Variants in ANKRD36C observed in about 807,000 individuals in gnomAD.
ANKRD36C encodes ankyrin repeat domain 36C.
ANKRD36C carries 61 observed loss-of-function variants against 276.4 expected under a neutral mutation model. The ratio of observed to expected loss-of-function variants is 0.22; its 90% CI spans 0.18 to 0.27. The LOEUF (loss-of-function observed/expected upper bound fraction) is 0.27. Ranked by LOEUF, ANKRD36C falls within the 10% of genes least tolerant of loss-of-function variation. ANKRD36C has a pLI of 1.00. For synonymous variants in ANKRD36C, 483 were observed against 680.1 expected (o/e 0.71, Z 4.51); for missense variants, 1,447 against 2,032.3 (o/e 0.71, Z 5.54).
At chr2:95,961,996 C>T (rs566462568) in intron 8 of ANKRD36C, among the ~76,000 whole-genome samples, 59 of 151,894 alleles carry the variant, frequency 3.9e-4, no homozygotes, top group Non-Finnish European at 7.8e-4. Context: ...GTGGTTTTAA[C>T]AATCTGATCT....
intron 56 of ANKRD36C, 42 bp downstream of exon 76, chr2:95,882,260 A>C: frequency 1.3e-6 from 2 of 1,547,116 alleles, no homozygotes; most frequent in East Asian, 4.9e-5. Flanking sequence ...ATTGTCTTCT[A>C]TCTTGAGTGC....
At chr2:95,862,902 T>C (rs1422330576) in intron 60 of ANKRD36C, among the ~76,000 whole-genome samples, 12 of 151,784 alleles carry the variant, frequency 7.9e-5, no homozygotes, top group Admixed American at 7.9e-4. Flanking sequence ...TAGGACGTGT[T>C]CCCTAATCAT....
At chr2:95,977,598 C>T (rs1678839191) in intron 6 of ANKRD36C, among the ~76,000 whole-genome samples, 2 of 152,000 alleles carry the variant, frequency 1.3e-5, no homozygotes, top group African/African-American at 2.4e-5. Flanking sequence ...TCAACTACTG[C>T]AAAAGCTTCC....
chr2:95,864,194 T>C (rs1476588058), intron 60 of ANKRD36C, among the ~76,000 whole-genome samples: 1 of 152,114 alleles, frequency 6.6e-6, no homozygotes, highest in Non-Finnish European at 1.5e-5. Flanking sequence ...TATCCGACAG[T>C]ATAATGAAAA....
intron 40 of ANKRD36C, among the ~76,000 whole-genome samples, chr2:95,913,753 A>G (rs897938068): frequency 1.3e-5 from 2 of 151,380 alleles, no homozygotes; most frequent in African/African-American, 2.4e-5. Context: ...TCTTGGCAGT[A>G]TGATCTGAAG....
intron 34 of ANKRD36C, among the ~76,000 whole-genome samples, chr2:95,918,267 C>T (rs1226621872): frequency 2.0e-5 from 3 of 151,564 alleles, no homozygotes; most frequent in African/African-American, 4.8e-5. Flanking sequence ...CGGTATGATT[C>T]GTCATACGTC....
intron 30 of ANKRD36C, 57 bp downstream of exon 30, chr2:95,925,295 G>A (rs1219759312): frequency 3.9e-6 from 6 of 1,545,762 alleles, no homozygotes; most frequent in Non-Finnish European, 5.2e-6. Context: ...ATTCAGGGGT[G>A]GGACGTTCTC....
chr2:95,922,040 T>C (rs1037400952), intron 32 of ANKRD36C, among the ~76,000 whole-genome samples: 6 of 151,580 alleles, frequency 4.0e-5, no homozygotes, highest in South Asian at 2.1e-4. Context: ...TTCTCGTATA[T>C]CTAAAAGAAA....
At chr2:95,971,239 T>C (rs1435694126) in intron 6 of ANKRD36C, among the ~76,000 whole-genome samples, 4 of 151,030 alleles carry the variant, frequency 2.6e-5, no homozygotes, top group Non-Finnish European at 5.9e-5. Flanking sequence ...AGTGAAAGTA[T>C]TCTAATGGCG....
chr2:95,990,886 T>A (rs553959191), intron 1 of ANKRD36C, among the ~76,000 whole-genome samples: 1 of 152,208 alleles, frequency 6.6e-6, no homozygotes, highest in African/African-American at 2.4e-5. Context: ...TTAAAACGTG[T>A]ACATTAAAAA....
At chr2:95,921,464 C>G (rs1677264873) in intron 34 of ANKRD36C, 143 bp downstream of exon 34, 1 of 1,222,986 alleles carries the variant, frequency 8.2e-7, no homozygotes, top group Non-Finnish European at 1.1e-6. Context: ...GAATTTATTA[C>G]AAATGAAGAC....
chr2:95,865,177 A>G (rs922177468), intron 60 of ANKRD36C, among the ~76,000 whole-genome samples: 1 of 151,964 alleles, frequency 6.6e-6, no homozygotes, highest in Non-Finnish European at 1.5e-5. Flanking sequence ...TAAACTAAAA[A>G]CTACAAAATA....
At chr2:95,865,290 T>C (rs1413544576) in intron 60 of ANKRD36C, among the ~76,000 whole-genome samples, 1 of 152,050 alleles carries the variant, frequency 6.6e-6, no homozygotes, top group East Asian at 1.9e-4. Flanking sequence ...AATTAATCTA[T>C]AAATATGACC....
exon 63 of ANKRD36C, chr2:95,855,715 G>T: frequency 6.2e-7 from 1 of 1,612,898 alleles, no homozygotes; most frequent in Non-Finnish European, 8.5e-7. Context: ...TTAGAAAGTT[G>T]CAGAGAAAGA....
At chr2:95,866,900 A>C (rs1675693020) in intron 60 of ANKRD36C, among the ~76,000 whole-genome samples, 1 of 152,182 alleles carries the variant, frequency 6.6e-6, no homozygotes. Flanking sequence ...AAAGCTACTG[A>C]TTGTAGGAGC....
intron 3 of ANKRD36C, 109 bp from the exon 4 acceptor site, chr2:95,982,471 G>GT (rs1422873048): frequency 5.4e-6 from 5 of 933,368 alleles, no homozygotes; most frequent in Middle Eastern, 4.7e-4. Flanking sequence ...TTGAAAGGTC[G>GT]TAAGAGGTAG....
chr2:95,925,479 T>C (rs1677378218), intron 29 of ANKRD36C, 40 bp downstream of exon 29: 3 of 1,547,630 alleles, frequency 1.9e-6, no homozygotes, highest in Non-Finnish European at 2.6e-6. Context: ...TCATAGGCTA[T>C]GTAATAAATA....
intron 1 of ANKRD36C, among the ~76,000 whole-genome samples, chr2:95,987,945 A>G (rs1191390155): frequency 6.6e-6 from 1 of 151,988 alleles, no homozygotes; most frequent in Non-Finnish European, 1.5e-5. Flanking sequence ...ATATATTAAC[A>G]TCTCCTAACA....
At chr2:95,911,506 C>T (rs1469035536) in intron 42 of ANKRD36C, among the ~76,000 whole-genome samples, 1 of 151,378 alleles carries the variant, frequency 6.6e-6, no homozygotes, top group Non-Finnish European at 1.5e-5. Flanking sequence ...ACAAGGAAGC[C>T]AACGTAGTCA....
Sources: gnomAD v4.1 joint callset for allele counts (sites outside exome capture counted in the v4.1 genomes callset) on GRCh38, gnomAD v4.1.1 for gene constraint, MANE v1.5 for transcripts, NCBI Gene and HGNC (gene_info 2026-07-23, HGNC 2026-07-21) for gene names.